Variants in SEL1L2 observed in about 807,000 individuals in gnomAD.
The protein encoded by SEL1L2 is protein sel-1 homolog 2.
Under a neutral mutation model 98.8 loss-of-function variants are expected in SEL1L2, and 89 were observed. The observed-to-expected ratio is 0.90, with a 90% CI of 0.76 to 1.07. SEL1L2 has a LOEUF of 1.07. Ranked by LOEUF, SEL1L2 falls within the 50% of genes least tolerant of loss-of-function variation. The pLI, the probability that SEL1L2 is intolerant of heterozygous loss-of-function variation, is 0.00. For missense variants in SEL1L2, 788 were observed against 812.0 expected, an observed-to-expected ratio of 0.97 and a Z score of 0.36; for synonymous variants, 262 against 278.5, an observed-to-expected ratio of 0.94 and a Z score of 0.59.
At chr20:13,894,705 G>A (rs191254256) in intron 5 of SEL1L2, among the ~76,000 whole-genome samples, 4 of 152,318 alleles carry the variant, frequency 2.6e-5, no homozygotes, top group Admixed American at 6.5e-5. Context: ...GGATCATACT[G>A]TTATGAACAA....
upstream of SEL1L2, among the ~76,000 whole-genome samples, chr20:13,990,986 G>A (rs751945057): frequency 1.8e-4 from 27 of 152,278 alleles, no homozygotes; most frequent in African/African-American, 4.8e-4. Context: ...AGGCTATGGC[G>A]GAAAAGAAAC....
intron 5 of SEL1L2, among the ~76,000 whole-genome samples, chr20:13,909,125 C>A (rs1457840662): frequency 2.6e-5 from 4 of 152,140 alleles, no homozygotes. Flanking sequence ...CTCTCATTTT[C>A]TCTCTCTCTT....
chr20:13,952,781 A>G (rs1324946614), intron 2 of SEL1L2, among the ~76,000 whole-genome samples: 1 of 152,174 alleles, frequency 6.6e-6, no homozygotes, highest in Non-Finnish European at 1.5e-5. Flanking sequence ...CTGTAATCCC[A>G]GCACTTTGGG....
chr20:13,867,657 A>G (rs2045988674), intron 14 of SEL1L2, among the ~76,000 whole-genome samples: 1 of 152,078 alleles, frequency 6.6e-6, no homozygotes, highest in African/African-American at 2.4e-5. Flanking sequence ...ACTGTGGGAT[A>G]CCCGGTAGAT....
chr20:13,990,525 AG>A lies in SEL1L2; in HGVS notation c.9del (p.Leu4CysfsTer4). The A allele has an allele frequency of 6.2e-7, 1 of 1,612,526 alleles. No homozygotes were observed. The highest frequency in any genetic ancestry group is 8.5e-7 in the Non-Finnish European group (1 of 1,178,948). Reference protein sequence around the residue: MKPLSLLIEILII... With the variant: MKXLSLLIEILII... Reference sequence around the variant, plus strand: ...ATCAATATCTCTATTAACAGAGACAAGGGCTTCATCTTCTCTTAAGCAGCTT... The same window carrying A: ...ATCAATATCTCTATTAACAGAGACAAGGCTTCATCTTCTCTTAAGCAGCTT... On this transcript the variant is annotated frameshift_variant, in exon 1 of 20. Transcript: ENST00000284951. LOFTEE classifies it high-confidence loss of function.
At chr20:13,868,025 G>T (rs1568852643) in intron 14 of SEL1L2, among the ~76,000 whole-genome samples, 3 of 151,920 alleles carry the variant, frequency 2.0e-5, no homozygotes, top group Admixed American at 1.3e-4. Flanking sequence ...ATATCTCCTG[G>T]TATTTGTCTT....
chr20:13,963,777 C>T (rs1457463422), intron 1 of SEL1L2, among the ~76,000 whole-genome samples: 4 of 151,954 alleles, frequency 2.6e-5, no homozygotes, highest in Non-Finnish European at 5.9e-5. Context: ...ACCATTTTCC[C>T]CTAACTTCAC....
chr20:13,963,680 T>G (rs2050890247), intron 1 of SEL1L2, among the ~76,000 whole-genome samples: 1 of 151,912 alleles, frequency 6.6e-6, no homozygotes, highest in Non-Finnish European at 1.5e-5. Flanking sequence ...TGAACCGCTG[T>G]ACTCCAGCCT....
At chr20:13,857,360 A>G (rs995904325) in intron 18 of SEL1L2, among the ~76,000 whole-genome samples, 1 of 152,262 alleles carries the variant, frequency 6.6e-6, no homozygotes, top group African/African-American at 2.4e-5. Context: ...GTTTTCCTGA[A>G]TGTATGAAAC....
intron 1 of SEL1L2, among the ~76,000 whole-genome samples, chr20:13,987,427 C>T (rs2052275644): frequency 6.6e-6 from 1 of 150,790 alleles, no homozygotes; most frequent in Non-Finnish European, 1.5e-5. Context: ...CTCACTGTAA[C>T]CTCTGCCTCC....
At chr20:13,974,328 G>T (rs2148519745) in intron 1 of SEL1L2, among the ~76,000 whole-genome samples, 1 of 152,142 alleles carries the variant, frequency 6.6e-6, no homozygotes, top group South Asian at 2.1e-4. Context: ...TGGGAGGGTT[G>T]GTCCAACAAC....
Position 13,976,174 on chromosome 20 carries a change from G to T in SEL1L2, c.58+14303C>A, listed in dbSNP as rs145183339. On this transcript the variant is annotated intron_variant, in intron 1 of 19. Transcript: ENST00000284951. ...ATGCCACCACACCCAGCTAATTTTG[G>T]TATTTTTAGTAGAGACAGGGTTTCT... 8.6e-5 allele frequency among the ~76,000 whole-genome samples: 13 copies of T among 151,876 alleles called. 1 individual carries two copies. In the East Asian group the frequency reaches 2.5e-3, roughly 30 times the overall value.
At chr20:13,963,111 A>C (rs536705522) in intron 1 of SEL1L2, among the ~76,000 whole-genome samples, 241 of 142,998 alleles carry the variant, frequency 1.7e-3, no homozygotes, top group Non-Finnish European at 3.1e-3. Context: ...ATAAAAAAAA[A>C]CTCTCTATTA....
intron 5 of SEL1L2, among the ~76,000 whole-genome samples, chr20:13,895,259 A>G (rs561009378): frequency 6.6e-6 from 1 of 152,268 alleles, no homozygotes; most frequent in African/African-American, 2.4e-5. Flanking sequence ...CCTGGCCAAC[A>G]TGGCAAAACC....
intron 2 of SEL1L2, among the ~76,000 whole-genome samples, chr20:13,955,066 A>C (rs1453278171): frequency 6.6e-6 from 1 of 152,188 alleles, no homozygotes; most frequent in Non-Finnish European, 1.5e-5. Flanking sequence ...TTACTCATTA[A>C]TTCAATAAAC....
At chr20:13,855,352 A>G (rs4814267) in intron 18 of SEL1L2, among the ~76,000 whole-genome samples, 29,157 of 151,854 alleles carry the variant, frequency 0.19, 3,101 homozygotes, top group South Asian at 0.33. Context: ...AGCAATAAAA[A>G]GTAAATAAGA....
chr20:13,917,650 T>C (rs1246911424), intron 4 of SEL1L2, among the ~76,000 whole-genome samples: 1 of 152,184 alleles, frequency 6.6e-6, no homozygotes, highest in Non-Finnish European at 1.5e-5. Flanking sequence ...TCATGGACTT[T>C]GTTGCTGCCC....
intron 2 of SEL1L2, among the ~76,000 whole-genome samples, chr20:13,948,683 A>G (rs2050127145): frequency 1.3e-5 from 2 of 152,200 alleles, no homozygotes; most frequent in South Asian, 4.1e-4. Flanking sequence ...TTTTCATGAC[A>G]TTGGATTTGG....
rs116751208 is a variant in SEL1L2 at position 13,855,706 on chromosome 20, G to A, written c.1818+3556C>T. On this transcript the variant is annotated intron_variant, in intron 18 of 19. Transcript: ENST00000284951. ...CCCTAAAGCCTTTGTATCTCCTGGC[G>A]CCTTCAGCCAATGGATGGGAAAGAG... is the stretch of plus-strand genomic sequence containing the variant. Among the ~76,000 whole-genome samples, 1,114 of 152,238 alleles carry A rather than the reference G, an allele frequency of 7.3e-3. 12 individuals carry two copies. Among genetic ancestry groups the A allele is most frequent in the African/African-American group, 0.025 (1,018 of 41,534 alleles).
Sources: allele counts gnomAD v4.1 joint callset (sites outside exome capture counted in the v4.1 genomes callset), GRCh38; gene constraint gnomAD v4.1.1; transcripts MANE v1.5; gene names NCBI Gene and HGNC (gene_info 2026-07-23, HGNC 2026-07-21).